The following DCAF8L2 variants were observed in gnomAD, a reference collection of about 807,000 sequenced individuals.
The protein encoded by DCAF8L2 is DDB1- and CUL4-associated factor 8-like protein 2.
For synonymous variants in DCAF8L2, 200 were observed against 190.9 expected (o/e 1.05, Z -0.39); for missense variants, 430 against 490.7 (o/e 0.88, Z 1.17).
At chrX:27,539,146 G>T in the DCAF8L2 span, among the ~76,000 whole-genome samples, 2 of 111,990 alleles carry the variant, frequency 1.8e-5, no homozygotes, top group Non-Finnish European at 3.8e-5. Flanking sequence ...ACCATGCCCC[G>T]CCAGCAGTGA....
chrX:27,667,487 T>C (rs1485174315), intron 2 of DCAF8L2, among the ~76,000 whole-genome samples: 2 of 111,473 alleles, frequency 1.8e-5, no homozygotes, highest in Non-Finnish European at 3.8e-5. Context: ...AGGTCTGTTT[T>C]ATAATATCAA....
At chrX:27,660,012 G>A (rs949963568) in intron 2 of DCAF8L2, among the ~76,000 whole-genome samples, 2 of 110,640 alleles carry the variant, frequency 1.8e-5, no homozygotes, top group Non-Finnish European at 3.8e-5. Context: ...TGTTTCTTGT[G>A]TCCCTATGTT....
chrX:27,726,381 T>A, intron 4 of DCAF8L2, among the ~76,000 whole-genome samples: 1 of 111,604 alleles, frequency 9.0e-6, no homozygotes, highest in Non-Finnish European at 1.9e-5. Flanking sequence ...TCATGAGACA[T>A]GTATTGTCTC....
intron 1 of DCAF8L2, chrX:27,627,351 G>T (rs1242184565): frequency 9.1e-6 from 1 of 109,758 alleles, no homozygotes; most frequent in Admixed American, 9.7e-5. Context: ...TTTTAAAACA[G>T]CTTTACTGAA....
At chrX:27,539,314 T>G in the DCAF8L2 span, among the ~76,000 whole-genome samples, 1 of 111,971 alleles carries the variant, frequency 8.9e-6, no homozygotes, top group East Asian at 2.8e-4. Flanking sequence ...AATAGAAAAC[T>G]AAACAGGCAA....
At chrX:27,621,994 C>G (rs1212110771) in intron 1 of DCAF8L2, among the ~76,000 whole-genome samples, 8 of 105,638 alleles carry the variant, frequency 7.6e-5, no homozygotes, top group African/African-American at 1.1e-4. Flanking sequence ...CTTATCTCAA[C>G]AACAACAACA....
At chrX:27,471,973 C>T in the DCAF8L2 span, among the ~76,000 whole-genome samples, 1 of 111,522 alleles carries the variant, frequency 9.0e-6, no homozygotes, top group Non-Finnish European at 1.9e-5. Context: ...TTTCATTAAC[C>T]TGTTTTTTTT....
At chrX:27,627,212 A>G (rs1445806615) in intron 1 of DCAF8L2, 1 of 111,597 alleles carries the variant, frequency 9.0e-6, no homozygotes, top group Admixed American at 9.5e-5. Context: ...ATCCAAGCCT[A>G]TAAAATCTAG....
chrX:27,608,920 T>G (rs1927034177), intron 1 of DCAF8L2, among the ~76,000 whole-genome samples: 1 of 110,877 alleles, frequency 9.0e-6, no homozygotes, highest in South Asian at 3.8e-4. Flanking sequence ...TACCATGGTT[T>G]CAGCCGCACA....
chrX:27,644,972 G>C (rs1928884241), intron 2 of DCAF8L2, among the ~76,000 whole-genome samples: 1 of 111,943 alleles, frequency 8.9e-6, no homozygotes, highest in South Asian at 3.7e-4. Flanking sequence ...TGGCCAGGAT[G>C]GCCATGATCT....
the DCAF8L2 span, among the ~76,000 whole-genome samples, chrX:27,499,145 T>C: frequency 8.9e-6 from 1 of 112,499 alleles, no homozygotes; most frequent in Non-Finnish European, 1.9e-5. Context: ...ATGGAATGTT[T>C]ATACTGTTCT....
chrX:27,530,311 C>A, the DCAF8L2 span, among the ~76,000 whole-genome samples: 6 of 110,432 alleles, frequency 5.4e-5, no homozygotes, highest in Admixed American at 9.7e-5. Flanking sequence ...CCAGCAAGAT[C>A]ATAGAACTAA....
chrX:27,493,001 G>A, the DCAF8L2 span, among the ~76,000 whole-genome samples: 1 of 111,603 alleles, frequency 9.0e-6, no homozygotes, highest in African/African-American at 3.3e-5. Context: ...GAAAGCTGAG[G>A]TGGGAGGATC....
chrX:27,615,353 T>C (rs1016995573), intron 1 of DCAF8L2, among the ~76,000 whole-genome samples: 3 of 111,954 alleles, frequency 2.7e-5, no homozygotes, highest in African/African-American at 9.7e-5. Context: ...ATCAATGTAA[T>C]TTTATAAACA....
the DCAF8L2 span, among the ~76,000 whole-genome samples, chrX:27,584,134 A>G: frequency 8.9e-6 from 1 of 111,807 alleles, no homozygotes. Flanking sequence ...TGAGTAACTC[A>G]TTCTTCATGT....
At chrX:27,527,989 T>TAATTATTAAATTAAATTTTTAATTTAATG in the DCAF8L2 span, among the ~76,000 whole-genome samples, 1 of 70,348 alleles carries the variant, frequency 1.4e-5, no homozygotes, top group African/African-American at 1.0e-4. Flanking sequence ...TTAATTTAAT[T>TAATTATTAAATTAAATTTTTAATTTAATG]AATTATTAAA....
At chrX:27,716,553 G>A (rs1334336165) in intron 4 of DCAF8L2, among the ~76,000 whole-genome samples, 1 of 111,826 alleles carries the variant, frequency 8.9e-6, no homozygotes. Context: ...CTTCACTTTT[G>A]TAAGAGTTTA....
At chrX:27,556,180 T>A in the DCAF8L2 span, among the ~76,000 whole-genome samples, 3 of 111,381 alleles carry the variant, frequency 2.7e-5, no homozygotes, top group Non-Finnish European at 5.6e-5. Flanking sequence ...CATATAGAGT[T>A]CTCTTACGTC....
chrX:27,551,896 G>T, the DCAF8L2 span, among the ~76,000 whole-genome samples: 1 of 111,545 alleles, frequency 9.0e-6, no homozygotes, highest in Non-Finnish European at 1.9e-5. Context: ...TTAAATTTTT[G>T]GAGAAATCTC....
Sources: allele counts gnomAD v4.1 joint callset (sites outside exome capture counted in the v4.1 genomes callset), GRCh38; gene constraint gnomAD v4.1.1; transcripts MANE v1.5; gene names NCBI Gene and HGNC (gene_info 2026-07-23, HGNC 2026-07-21).